Variants in CNTN4 observed in about 807,000 individuals in gnomAD.
CNTN4 encodes the protein contactin-4.
In CNTN4, 77 loss-of-function variants were observed where a neutral mutation model predicts 122.5. The observed-to-expected ratio is 0.63, with a 90% CI of 0.52 to 0.76. The LOEUF (loss-of-function observed/expected upper bound fraction) is 0.76. Among genes scored for constraint, CNTN4 ranks in the 30% least tolerant of loss-of-function variants. The pLI, the probability that CNTN4 is intolerant of heterozygous loss-of-function variation, is 0.00. For missense variants in CNTN4, 1,256 were observed against 1,259.1 expected (o/e 1.00, Z 0.04); for synonymous variants, 512 against 447.0 (o/e 1.15, Z -1.83).
intron 7 of CNTN4, among the ~76,000 whole-genome samples, chr3:2,827,846 A>G (rs1318375114): frequency 6.6e-6 from 1 of 152,214 alleles, no homozygotes; most frequent in Non-Finnish European, 1.5e-5. Flanking sequence ...ATACTGCTGA[A>G]ATAATGCTGA....
intron 2 of CNTN4, among the ~76,000 whole-genome samples, chr3:2,218,553 T>C (rs1339960524): frequency 6.6e-6 from 1 of 152,002 alleles, no homozygotes; most frequent in Non-Finnish European, 1.5e-5. Flanking sequence ...TAAAAAAAAG[T>C]TTTTTGACAC....
At chr3:2,341,394 C>T (rs2044206291) in intron 3 of CNTN4, among the ~76,000 whole-genome samples, 1 of 152,204 alleles carries the variant, frequency 6.6e-6, no homozygotes, top group African/African-American at 2.4e-5. Context: ...TCTTCTTGTT[C>T]TTCATGGTAT....
chr3:3,049,805 T>C (rs1395973741), intron 23 of CNTN4, among the ~76,000 whole-genome samples: 1 of 151,752 alleles, frequency 6.6e-6, no homozygotes, highest in Non-Finnish European at 1.5e-5. Flanking sequence ...TGTGACAATG[T>C]AGCAACATTG....
intron 3 of CNTN4, among the ~76,000 whole-genome samples, chr3:2,543,099 A>G (rs77011778): frequency 2.1e-3 from 317 of 152,184 alleles, no homozygotes; most frequent in African/African-American, 7.0e-3. Flanking sequence ...TTAGTTCTTC[A>G]TTGCTCTGGG....
intron 2 of CNTN4, among the ~76,000 whole-genome samples, chr3:2,103,001 C>T (rs1413272368): frequency 2.0e-5 from 3 of 150,942 alleles, no homozygotes; most frequent in Admixed American, 2.0e-4. Flanking sequence ...ATAATGCTTA[C>T]TATTATTGAG....
chr3:2,479,950 C>T (rs985775814), intron 3 of CNTN4, among the ~76,000 whole-genome samples: 3 of 151,988 alleles, frequency 2.0e-5, no homozygotes, highest in Non-Finnish European at 4.4e-5. Flanking sequence ...ATCAGGTATC[C>T]AAGGGTGGTT....
At chr3:2,274,283 T>TG (rs1226128150) in intron 2 of CNTN4, among the ~76,000 whole-genome samples, 11 of 152,236 alleles carry the variant, frequency 7.2e-5, no homozygotes, top group Admixed American at 2.0e-4. Flanking sequence ...CTCGGGAGAC[T>TG]GAGGCAGGAG....
intron 4 of CNTN4, among the ~76,000 whole-genome samples, chr3:2,611,297 CA>C (rs201162114): frequency 1.7e-3 from 106 of 62,344 alleles, no homozygotes; most frequent in South Asian, 2.8e-3. Context: ...CACCTGGAAC[CA>C]AAAAAAAAAA....
intron 13 of CNTN4, among the ~76,000 whole-genome samples, chr3:2,974,653 G>C (rs911091379): frequency 4.6e-5 from 7 of 152,220 alleles, no homozygotes; most frequent in African/African-American, 1.7e-4. Flanking sequence ...ATGGATGACT[G>C]TTGGTGATGC....
At chr3:2,787,545 A>G (rs1424017565) in intron 6 of CNTN4, among the ~76,000 whole-genome samples, 1 of 152,206 alleles carries the variant, frequency 6.6e-6, no homozygotes, top group Non-Finnish European at 1.5e-5. Context: ...TTTACAAGGT[A>G]ATAATAGAGG....
intron 4 of CNTN4, among the ~76,000 whole-genome samples, chr3:2,695,982 GA>G (rs1333448354): frequency 6.6e-6 from 1 of 152,170 alleles, no homozygotes; most frequent in Non-Finnish European, 1.5e-5. Context: ...GAGAATGGCA[GA>G]AAATAGGGCT....
rs71309899 is a variant in CNTN4, at chr3:2,452,782, G to A, written c.-89+113549G>A. ...TTACTCAGCTTATTTCCTAATCCTC[G>A]TATGAAGATAAGATCATAAAAAATA... On this transcript the variant is annotated intron_variant, in intron 3 of 24. Coordinates refer to ENST00000418658, the MANE Select transcript of CNTN4 (RefSeq NM_175607.3). 4.8e-3 allele frequency among the ~76,000 whole-genome samples: 730 copies of A among 152,028 alleles called. 3 individuals are homozygous for A. The highest frequency in any genetic ancestry group is 7.1e-3 in the Non-Finnish European group (480 of 67,986).
chr3:2,717,415 G>A (rs187522107), intron 4 of CNTN4, among the ~76,000 whole-genome samples: 80 of 152,268 alleles, frequency 5.3e-4, no homozygotes, highest in Non-Finnish European at 9.7e-4. Flanking sequence ...CTTGGCTGGC[G>A]TTTTCACACG....
At chr3:2,926,751 T>A (rs2094476787) in intron 13 of CNTN4, among the ~76,000 whole-genome samples, 1 of 149,136 alleles carries the variant, frequency 6.7e-6, no homozygotes, top group East Asian at 2.0e-4. Flanking sequence ...AATGTAAACC[T>A]GATATGGTTT....
At chr3:2,245,277 T>C (rs1255655798) in intron 2 of CNTN4, among the ~76,000 whole-genome samples, 1 of 152,072 alleles carries the variant, frequency 6.6e-6, no homozygotes, top group East Asian at 1.9e-4. Context: ...CCTAATTCAT[T>C]TGAGATCTAA....
At chr3:2,954,465 GA>G (rs1371710647) in intron 13 of CNTN4, among the ~76,000 whole-genome samples, 2 of 151,572 alleles carry the variant, frequency 1.3e-5, no homozygotes, top group Non-Finnish European at 2.9e-5. Context: ...GTGCTGCAAA[GA>G]AATTGCAATT....
At chr3:2,132,064 G>C (rs772348292) in intron 2 of CNTN4, among the ~76,000 whole-genome samples, 1 of 152,174 alleles carries the variant, frequency 6.6e-6, no homozygotes, top group South Asian at 2.1e-4. Flanking sequence ...GTCATAAGGA[G>C]CCTTGCAGTG....
At chr3:2,129,705 G>A (rs1020269202) in intron 2 of CNTN4, among the ~76,000 whole-genome samples, 2 of 151,192 alleles carry the variant, frequency 1.3e-5, no homozygotes, top group Admixed American at 6.6e-5. Context: ...TGCATCTTCT[G>A]CTTGGCAGTT....
At chr3:2,592,174 C>T (rs2080527806) in intron 4 of CNTN4, among the ~76,000 whole-genome samples, 1 of 152,120 alleles carries the variant, frequency 6.6e-6, no homozygotes, top group South Asian at 2.1e-4. Context: ...AGCCACTGTG[C>T]CCGGCCTTCA....
Sources: gnomAD v4.1 joint callset for allele counts (sites outside exome capture counted in the v4.1 genomes callset) on GRCh38, gnomAD v4.1.1 for gene constraint, MANE v1.5 for transcripts, NCBI Gene and HGNC (gene_info 2026-07-23, HGNC 2026-07-21) for gene names.